PDE1C: variants seen among roughly 807,000 people sequenced by gnomAD.
The protein encoded by PDE1C is dual specificity calcium/calmodulin-dependent 3',5'-cyclic nucleotide phosphodiesterase 1C.
In PDE1C, 62 loss-of-function variants were observed where a neutral mutation model predicts 93.1. The observed-to-expected ratio is 0.67, with a 90% CI of 0.54 to 0.82. The LOEUF (loss-of-function observed/expected upper bound fraction) is 0.82, where lower values mean the gene tolerates loss of function less well. Ranked by LOEUF, PDE1C falls within the 40% of genes least tolerant of loss-of-function variation. The pLI, the probability that PDE1C is intolerant of heterozygous loss-of-function variation, is 0.00. For synonymous variants in PDE1C, 325 were observed against 310.1 expected (o/e 1.05, Z -0.50); for missense variants, 742 against 884.6 (o/e 0.84, Z 2.04).
chr7:32,133,000 T>G (rs1194430680), intron 3 of PDE1C, among the ~76,000 whole-genome samples: 1 of 152,038 alleles, frequency 6.6e-6, no homozygotes, highest in Non-Finnish European at 1.5e-5. Flanking sequence ...GAGATAAAAT[T>G]TAGGAAAAAA....
chr7:31,689,982 C>A, the PDE1C span, among the ~76,000 whole-genome samples: 1 of 152,186 alleles, frequency 6.6e-6, no homozygotes, highest in East Asian at 1.9e-4. Context: ...ACAAGATGAG[C>A]TATGCTGTGG....
At chr7:31,886,138 A>T (rs531484815) in intron 2 of PDE1C, among the ~76,000 whole-genome samples, 1 of 152,180 alleles carries the variant, frequency 6.6e-6, no homozygotes, top group Non-Finnish European at 1.5e-5. Flanking sequence ...ATGGATCATG[A>T]GCCCTAAAAA....
intron 8 of PDE1C, among the ~76,000 whole-genome samples, chr7:31,848,661 T>C (rs938608075): frequency 2.6e-5 from 4 of 152,188 alleles, no homozygotes; most frequent in Non-Finnish European, 5.9e-5. Context: ...AAGACCATAC[T>C]ATAGCTGAAT....
intron 1 of PDE1C, among the ~76,000 whole-genome samples, chr7:32,417,883 T>C (rs1172974071): frequency 6.6e-6 from 1 of 152,240 alleles, no homozygotes; most frequent in Admixed American, 6.5e-5. Flanking sequence ...TTGAATGCTA[T>C]CTCTTGTTGA....
rs542342496 is a variant in PDE1C, at chr7:32,098,184, C to G, written c.308+71601G>C. 2.8e-3 allele frequency among the ~76,000 whole-genome samples: 378 copies of G among 133,210 alleles called. 5 individuals carry two copies. The highest frequency in any genetic ancestry group is 0.013 in the Middle Eastern group (3 of 232). 87.4% of individuals were successfully genotyped at this position (133,210 alleles called of 152,430 possible). On this transcript the variant is annotated intron_variant, in intron 3 of 18. Coordinates refer to the PDE1C transcript ENST00000396193. ...GGCGGAGCTTGCAGTGAGCCGAGAT[C>G]GCGCCACTGCACTCCAGCCTGGGCG...
intron 2 of PDE1C, among the ~76,000 whole-genome samples, chr7:31,914,641 T>C (rs911636915): frequency 6.6e-6 from 1 of 152,148 alleles, no homozygotes; most frequent in African/African-American, 2.4e-5. Context: ...ATCACAAAGG[T>C]TGAACATTAA....
chr7:32,334,002 C>T lies in PDE1C; in HGVS notation c.310+93820G>A, dbSNP rs78755898. On this transcript the variant is annotated intron_variant, in intron 1 of 1. Coordinates refer to the PDE1C transcript ENST00000672256. ...AGATAAAGGAGAAAGGGTATTGAAA[C>T]CTATATTTGAATTCATGAAACAGAC... Among the ~76,000 whole-genome samples the T allele has an allele frequency of 4.4e-3, 671 of 152,164 alleles. 7 individuals are homozygous for T. The highest frequency in any genetic ancestry group is 0.015 in the African/African-American group (618 of 41,498).
intron 16 of PDE1C, among the ~76,000 whole-genome samples, chr7:31,805,825 C>T (rs527441899): frequency 8.3e-4 from 126 of 151,842 alleles, no homozygotes; most frequent in African/African-American, 2.9e-3. Flanking sequence ...CTCTATGCTG[C>T]CTGGAAGTCC....
intron 2 of PDE1C, among the ~76,000 whole-genome samples, chr7:31,972,175 T>A (rs1811053379): frequency 6.6e-6 from 1 of 152,238 alleles, no homozygotes; most frequent in Non-Finnish European, 1.5e-5. Context: ...ACTGGTAGTA[T>A]ACAACCACGT....
At chr7:32,267,578 A>T (rs201136096) in intron 1 of PDE1C, among the ~76,000 whole-genome samples, 208 of 64,362 alleles carry the variant, frequency 3.2e-3, no homozygotes, top group Non-Finnish European at 5.8e-3. Flanking sequence ...TCTCTCACAC[A>T]CACACACACT....
the PDE1C span, among the ~76,000 whole-genome samples, chr7:31,732,114 G>T: frequency 6.6e-6 from 1 of 152,230 alleles, no homozygotes; most frequent in Admixed American, 6.5e-5. Context: ...GGTGCGGGAG[G>T]AGGGGCTTTA....
At chr7:31,647,798 A>G in the PDE1C span, among the ~76,000 whole-genome samples, 2 of 152,136 alleles carry the variant, frequency 1.3e-5, no homozygotes, top group South Asian at 2.1e-4. Context: ...TGAAGACTCA[A>G]AAACATCATT....
Position 32,080,998 on chromosome 7 carries a change from G to C in PDE1C, c.308+88787C>G, listed in dbSNP as rs370971103. Among the ~76,000 whole-genome samples the C allele has an allele frequency of 9.9e-5, 15 of 152,244 alleles. 4 individuals carry two copies. ...CAGGGAGTGGGACTTGATTTATGGA[G>C]AGGCATAGAAACTTAGGGACACAAT... On this transcript the variant is annotated intron_variant, in intron 3 of 18. Transcript: ENST00000396193.
intron 17 of PDE1C, among the ~76,000 whole-genome samples, chr7:31,756,462 C>T (rs1299158257): frequency 1.3e-5 from 2 of 152,122 alleles, no homozygotes; most frequent in African/African-American, 2.4e-5. Context: ...GGAACTGTCA[C>T]ATCCAAGAAA....
At position 31,796,735 on chromosome 7, in the gene PDE1C, A is replaced by G. The variant is rs1485104544; in HGVS notation, c.1891+12296T>C. ...AATAGATTTTCCCCAAATCTATAAA[A>G]AAAACCAATTACGTTGGGTTTAAGC... On this transcript the variant is annotated intron_variant, in intron 16 of 17. Transcript: ENST00000396191. 3.3e-5 allele frequency among the ~76,000 whole-genome samples: 5 copies of G among 151,888 alleles called. 1 individual carries two copies. The Middle Eastern group carries it at 0.017, about 517-fold the overall frequency.
chr7:31,789,758 A>G, intron 16 of PDE1C: 1 of 986,378 alleles, frequency 1.0e-6, no homozygotes. Context: ...GCGGTGATGA[A>G]TGTCAGCATG....
the PDE1C span, among the ~76,000 whole-genome samples, chr7:31,660,987 G>A: frequency 1.3e-5 from 2 of 152,036 alleles, no homozygotes; most frequent in Non-Finnish European, 2.9e-5. Flanking sequence ...TAATGTTGAT[G>A]ATAAAAAGAA....
the PDE1C span, among the ~76,000 whole-genome samples, chr7:31,669,669 T>C: frequency 6.6e-6 from 1 of 152,186 alleles, no homozygotes; most frequent in African/African-American, 2.4e-5. Context: ...AGACTCTTCT[T>C]CTTGCCCAAG....
Position 32,394,770 on chromosome 7 carries a change from T to C in PDE1C, c.310+33052A>G, listed in dbSNP as rs148237404. ...CTAAGACTGCAGTGAACCATGATCA[T>C]GCCACTGCACTCCAGCCTGGGTGAC... On this transcript the variant is annotated intron_variant, in intron 1 of 1. Transcript: ENST00000672256. Among the ~76,000 whole-genome samples, 979 of 152,224 alleles carry C rather than the reference T, an allele frequency of 6.4e-3. 16 individuals are homozygous for C. Among genetic ancestry groups the C allele is most frequent in the African/African-American group, 0.022 (931 of 41,510 alleles).
Sources: gnomAD v4.1 joint callset for allele counts (sites outside exome capture counted in the v4.1 genomes callset) on GRCh38, gnomAD v4.1.1 for gene constraint, MANE v1.5 for transcripts, NCBI Gene and HGNC (gene_info 2026-07-23, HGNC 2026-07-21) for gene names.